The following DLGAP2 variants were observed in gnomAD, a reference collection of about 807,000 sequenced individuals.
DLGAP2 encodes DLG associated protein 2.
Under a neutral mutation model 100.3 loss-of-function variants are expected in DLGAP2, and 26 were observed. The ratio of observed to expected loss-of-function variants is 0.26; its 90% CI spans 0.19 to 0.36. The LOEUF (loss-of-function observed/expected upper bound fraction) is 0.36. Among genes scored for constraint, DLGAP2 ranks in the 10% least tolerant of loss-of-function variants. The pLI is 1.00. For synonymous variants in DLGAP2, 886 were observed against 630.1 expected, an observed-to-expected ratio of 1.41 and a Z score of -6.08; for missense variants, 1,858 against 1,453.2, an observed-to-expected ratio of 1.28 and a Z score of -4.53.
At chr8:1,391,510 C>T (rs951649309) in intron 3 of DLGAP2, among the ~76,000 whole-genome samples, 6 of 152,104 alleles carry the variant, frequency 3.9e-5, no homozygotes, top group African/African-American at 1.4e-4. Flanking sequence ...GGGGTTTTGG[C>T]CCCACGTAAT....
intron 5 of DLGAP2, among the ~76,000 whole-genome samples, chr8:1,552,179 C>T (rs1801791250): frequency 6.6e-6 from 1 of 152,202 alleles, no homozygotes; most frequent in African/African-American, 2.4e-5. Context: ...GACACATCCT[C>T]GGAAACAACA....
intron 3 of DLGAP2, among the ~76,000 whole-genome samples, chr8:1,464,509 A>G (rs796809876): frequency 3.3e-5 from 3 of 90,624 alleles, no homozygotes; most frequent in Non-Finnish European, 6.8e-5. Context: ...CCAGGACGGC[A>G]CCCTTCCAGG....
chr8:1,030,038 C>G (rs4300034), intron 2 of DLGAP2, among the ~76,000 whole-genome samples: 20 of 152,118 alleles, frequency 1.3e-4, no homozygotes, highest in African/African-American at 4.8e-4. Flanking sequence ...AGGCTTATTA[C>G]CTGGATGTCA....
chr8:1,322,202 C>G (rs1275742201), intron 3 of DLGAP2, among the ~76,000 whole-genome samples: 1 of 152,132 alleles, frequency 6.6e-6, no homozygotes, highest in Non-Finnish European at 1.5e-5. Context: ...TAATTAGCCA[C>G]TAAATATTTC....
At chr8:996,729 C>G (rs1354022102) in intron 2 of DLGAP2, among the ~76,000 whole-genome samples, 1 of 152,156 alleles carries the variant, frequency 6.6e-6, no homozygotes, top group African/African-American at 2.4e-5. Context: ...GTTTAATACT[C>G]AGTTCTCCAG....
chr8:1,220,282 T>C (rs1798291300), intron 2 of DLGAP2, among the ~76,000 whole-genome samples: 1 of 152,210 alleles, frequency 6.6e-6, no homozygotes, highest in Non-Finnish European at 1.5e-5. Context: ...GCTTTACCTG[T>C]GACCCAAAGA....
intron 3 of DLGAP2, among the ~76,000 whole-genome samples, chr8:1,495,976 T>C (rs549408774): frequency 3.3e-5 from 5 of 152,228 alleles, no homozygotes; most frequent in Admixed American, 1.3e-4. Flanking sequence ...GAAACAAGAC[T>C]GTGAGTATTC....
intron 2 of DLGAP2, among the ~76,000 whole-genome samples, chr8:1,113,650 T>C (rs1805028556): frequency 6.6e-6 from 1 of 152,072 alleles, no homozygotes; most frequent in Non-Finnish European, 1.5e-5. Context: ...CAAACAGGGG[T>C]ACTTTGACTT....
intron 2 of DLGAP2, among the ~76,000 whole-genome samples, chr8:1,110,750 C>T (rs1222241731): frequency 8.0e-5 from 12 of 149,600 alleles, no homozygotes; most frequent in African/African-American, 2.5e-4. Flanking sequence ...ATTGAGTGTC[C>T]CGCAGCCCTG....
At chr8:1,308,971 T>G (rs1300048352) in intron 3 of DLGAP2, among the ~76,000 whole-genome samples, 1 of 152,182 alleles carries the variant, frequency 6.6e-6, no homozygotes, top group Non-Finnish European at 1.5e-5. Context: ...ATGAAAAATT[T>G]ACTCTAGAGG....
chr8:1,099,885 G>A (rs190971967), intron 2 of DLGAP2, among the ~76,000 whole-genome samples: 15 of 152,258 alleles, frequency 9.9e-5, no homozygotes, highest in African/African-American at 3.4e-4. Context: ...ATGGAAACAC[G>A]TCCCTTCTAT....
chr8:1,627,262 T>C (rs1255707171), intron 7 of DLGAP2, among the ~76,000 whole-genome samples: 1 of 152,206 alleles, frequency 6.6e-6, no homozygotes, highest in African/African-American at 2.4e-5. Flanking sequence ...CTCTGTCCTC[T>C]GAATTGTGCC....
At chr8:1,053,154 G>T (rs58136207) in intron 2 of DLGAP2, among the ~76,000 whole-genome samples, 9,034 of 152,138 alleles carry the variant, frequency 0.059, 871 homozygotes, top group African/African-American at 0.21. Context: ...TGTAATTTTG[G>T]GTTATTTAAA....
At chr8:913,827 C>T (rs1360239625) in intron 2 of DLGAP2, among the ~76,000 whole-genome samples, 3 of 152,228 alleles carry the variant, frequency 2.0e-5, no homozygotes, top group African/African-American at 7.2e-5. Flanking sequence ...ACTTTCCGGT[C>T]TCATATGAGG....
intron 1 of DLGAP2, among the ~76,000 whole-genome samples, chr8:840,465 G>A (rs1351300128): frequency 1.5e-5 from 2 of 132,902 alleles, no homozygotes; most frequent in African/African-American, 2.9e-5. Context: ...GCGTCTACAC[G>A]GTACATGCCT....
chr8:1,646,791 G>T (rs372624265), intron 8 of DLGAP2, among the ~76,000 whole-genome samples: 4 of 152,026 alleles, frequency 2.6e-5, no homozygotes, highest in Non-Finnish European at 5.9e-5. Context: ...GGTGTGTCAG[G>T]AGTGAAGGGG....
chr8:1,055,103 A>G (rs1453833469), intron 2 of DLGAP2, among the ~76,000 whole-genome samples: 1 of 152,220 alleles, frequency 6.6e-6, no homozygotes, highest in African/African-American at 2.4e-5. Context: ...AATTTTACCA[A>G]GAGTGAAATC....
intron 4 of DLGAP2, among the ~76,000 whole-genome samples, chr8:1,547,706 G>A (rs911302877): frequency 2.0e-5 from 3 of 152,172 alleles, no homozygotes; most frequent in Non-Finnish European, 2.9e-5. Flanking sequence ...GTGCTTTGTT[G>A]TAGCCACAGC....
intron 5 of DLGAP2, among the ~76,000 whole-genome samples, chr8:1,549,890 T>C (rs555522018): frequency 2.6e-5 from 4 of 152,356 alleles, no homozygotes; most frequent in Non-Finnish European, 4.4e-5. Flanking sequence ...GTGGGAGCAC[T>C]TAAAATCCAC....
Sources: gnomAD v4.1 joint callset for allele counts (sites outside exome capture counted in the v4.1 genomes callset) on GRCh38, gnomAD v4.1.1 for gene constraint, MANE v1.5 for transcripts, NCBI Gene and HGNC (gene_info 2026-07-23, HGNC 2026-07-21) for gene names.